PDE7B: variants seen among roughly 807,000 people sequenced by gnomAD.
The protein encoded by PDE7B is 3',5'-cyclic-AMP phosphodiesterase 7B.
A neutral mutation model predicts 56.2 loss-of-function variants in PDE7B; 29 were observed. That is an observed-to-expected ratio of 0.52 (90% CI 0.38 to 0.70). PDE7B has a LOEUF of 0.70. PDE7B is among the 30% of genes least tolerant of loss of function. PDE7B has a pLI of 0.00. For synonymous variants in PDE7B, 197 were observed against 196.9 expected, an observed-to-expected ratio of 1.00 and a Z score of 0.00; for missense variants, 490 against 565.0, an observed-to-expected ratio of 0.87 and a Z score of 1.35.
intron 2 of PDE7B, among the ~76,000 whole-genome samples, chr6:136,103,114 C>G (rs1215677030): frequency 2.6e-5 from 4 of 152,164 alleles, no homozygotes; most frequent in Non-Finnish European, 2.9e-5. Flanking sequence ...CACCGACAGC[C>G]CAGGAACACA....
chr6:135,898,593 AAG>A (rs1186414986), intron 1 of PDE7B, among the ~76,000 whole-genome samples: 1 of 152,170 alleles, frequency 6.6e-6, no homozygotes, highest in Non-Finnish European at 1.5e-5. Context: ...TCATTTTGAA[AAG>A]AGAAAATAAC....
intron 8 of PDE7B, among the ~76,000 whole-genome samples, chr6:136,171,383 A>T (rs1257217304): frequency 6.6e-6 from 1 of 152,180 alleles, no homozygotes; most frequent in East Asian, 1.9e-4. Context: ...CTTAGTGTAC[A>T]TATGAATTTA....
At chr6:136,002,998 T>A (rs1374621400) in intron 2 of PDE7B, among the ~76,000 whole-genome samples, 1 of 151,690 alleles carries the variant, frequency 6.6e-6, no homozygotes, top group Non-Finnish European at 1.5e-5. Context: ...TATAACAAAC[T>A]GTCTCTCAGA....
intron 2 of PDE7B, among the ~76,000 whole-genome samples, chr6:136,068,100 T>A (rs2128213551): frequency 6.6e-6 from 1 of 152,322 alleles, no homozygotes; most frequent in South Asian, 2.1e-4. Flanking sequence ...TGAAGAGAGT[T>A]AGTCCGAGCC....
intron 2 of PDE7B, among the ~76,000 whole-genome samples, chr6:136,011,240 G>A (rs1024191666): frequency 2.6e-5 from 4 of 152,090 alleles, no homozygotes; most frequent in African/African-American, 9.7e-5. Flanking sequence ...CAGGGTATCA[G>A]GGTATCAAGA....
intron 6 of PDE7B, among the ~76,000 whole-genome samples, chr6:136,152,446 A>T (rs1358460181): frequency 6.6e-6 from 1 of 152,122 alleles, no homozygotes; most frequent in Admixed American, 6.5e-5. Flanking sequence ...TATTATCACC[A>T]TTTGTCCCAT....
intron 3 of PDE7B, among the ~76,000 whole-genome samples, chr6:136,125,952 C>T (rs1245845651): frequency 6.6e-6 from 1 of 152,088 alleles, no homozygotes; most frequent in Non-Finnish European, 1.5e-5. Flanking sequence ...AGGAAATCTA[C>T]AGCCTACTTA....
chr6:136,108,871 A>AG, intron 3 of PDE7B, 57 bp downstream of exon 3: 2 of 1,107,834 alleles, frequency 1.8e-6, no homozygotes, highest in Non-Finnish European at 2.8e-6. Flanking sequence ...AAGAAAAAAA[A>AG]AAATCCTCAT....
At chr6:136,055,748 G>C (rs1050842403) in intron 2 of PDE7B, among the ~76,000 whole-genome samples, 2 of 152,200 alleles carry the variant, frequency 1.3e-5, no homozygotes, top group Non-Finnish European at 2.9e-5. Flanking sequence ...CTGCAGTCCA[G>C]ACATTGTTTC....
chr6:135,936,830 C>G (rs1163270232), intron 1 of PDE7B, among the ~76,000 whole-genome samples: 1 of 152,192 alleles, frequency 6.6e-6, no homozygotes. Flanking sequence ...CTGCATGATT[C>G]AGAAGGCCAC....
chr6:136,034,469 GA>G (rs1776293206), intron 2 of PDE7B: 2 of 152,162 alleles, frequency 1.3e-5, no homozygotes, highest in Admixed American at 6.5e-5. Context: ...TTATTAAAAA[GA>G]AGAAACTTTT....
At chr6:135,922,843 T>C (rs886332884) in intron 1 of PDE7B, among the ~76,000 whole-genome samples, 1 of 152,186 alleles carries the variant, frequency 6.6e-6, no homozygotes, top group Non-Finnish European at 1.5e-5. Context: ...TACCTTGCTT[T>C]ATAGACTTGA....
intron 1 of PDE7B, among the ~76,000 whole-genome samples, chr6:135,938,311 G>T (rs1774454828): frequency 6.6e-6 from 1 of 152,182 alleles, no homozygotes; most frequent in Admixed American, 6.5e-5. Flanking sequence ...AAAACAAAGT[G>T]TGGCTAGGTG....
At chr6:135,928,483 TTATTTATATATATA>T (rs1237583470) in intron 1 of PDE7B, among the ~76,000 whole-genome samples, 36 of 96,868 alleles carry the variant, frequency 3.7e-4, no homozygotes, top group African/African-American at 1.2e-3. Context: ...ATATATATAT[TTATTTATATATATA>T]TATTTATATA....
intron 1 of PDE7B, among the ~76,000 whole-genome samples, chr6:135,936,908 T>C (rs556608913): frequency 6.6e-6 from 1 of 152,318 alleles, no homozygotes; most frequent in South Asian, 2.1e-4. Flanking sequence ...CTGTGATCTA[T>C]GCTTCATAAA....
chr6:136,143,041 A>G (rs958076739), intron 3 of PDE7B, among the ~76,000 whole-genome samples: 1 of 152,056 alleles, frequency 6.6e-6, no homozygotes, highest in Admixed American at 6.6e-5. Context: ...GTTTCTTCCT[A>G]CCCTCAATGA....
At chr6:136,101,189 C>T (rs1157060393) in intron 2 of PDE7B, among the ~76,000 whole-genome samples, 3 of 152,166 alleles carry the variant, frequency 2.0e-5, no homozygotes, top group Non-Finnish European at 2.9e-5. Context: ...AGGATTTTTG[C>T]ATCAATGTTC....
At chr6:135,938,391 C>T (rs1774456155) in intron 1 of PDE7B, among the ~76,000 whole-genome samples, 2 of 152,166 alleles carry the variant, frequency 1.3e-5, no homozygotes, top group Middle Eastern at 3.2e-3. Flanking sequence ...CATTTTTGAA[C>T]TGTGTATCAA....
chr6:136,174,855 G>T (rs970454386), intron 9 of PDE7B, among the ~76,000 whole-genome samples: 1 of 152,078 alleles, frequency 6.6e-6, no homozygotes, highest in Non-Finnish European at 1.5e-5. Context: ...CTCGTGCATG[G>T]AATAAAAACT....
Sources: gnomAD v4.1 joint callset for allele counts (sites outside exome capture counted in the v4.1 genomes callset) on GRCh38, gnomAD v4.1.1 for gene constraint, MANE v1.5 for transcripts, NCBI Gene and HGNC (gene_info 2026-07-23, HGNC 2026-07-21) for gene names.